Variants in PLXDC2 observed in about 807,000 individuals in gnomAD.
PLXDC2 encodes the protein plexin domain-containing protein 2.
In PLXDC2, 40 loss-of-function variants were observed where a neutral mutation model predicts 68.9. The ratio of observed to expected loss-of-function variants is 0.58; its 90% confidence interval spans 0.45 to 0.76. The LOEUF (loss-of-function observed/expected upper bound fraction) is 0.76. Ranked by LOEUF, PLXDC2 falls within the 30% of genes least tolerant of loss-of-function variation. The pLI, the probability that PLXDC2 is intolerant of heterozygous loss-of-function variation, is 0.00. For synonymous variants in PLXDC2, 243 were observed against 234.2 expected, an observed-to-expected ratio of 1.04 and a Z score of -0.34; for missense variants, 644 against 661.9, an observed-to-expected ratio of 0.97 and a Z score of 0.30.
chr10:20,201,603 C>T (rs943071289), intron 9 of PLXDC2, among the ~76,000 whole-genome samples: 1 of 151,770 alleles, frequency 6.6e-6, no homozygotes, highest in African/African-American at 2.4e-5. Context: ...TATATATTTT[C>T]AAATAGTTAG....
intron 1 of PLXDC2, among the ~76,000 whole-genome samples, chr10:19,892,055 A>C (rs1426457788): frequency 6.6e-6 from 1 of 152,252 alleles, no homozygotes; most frequent in Admixed American, 6.5e-5. Flanking sequence ...CAGAATATTA[A>C]TATTGACAGT....
At chr10:20,152,221 A>T (rs1049501391) in intron 6 of PLXDC2, among the ~76,000 whole-genome samples, 1 of 152,138 alleles carries the variant, frequency 6.6e-6, no homozygotes, top group Non-Finnish European at 1.5e-5. Flanking sequence ...AGTTATAACA[A>T]TCTTGCTTAT....
At chr10:20,209,588 G>T (rs564385800) in intron 9 of PLXDC2, among the ~76,000 whole-genome samples, 5 of 151,996 alleles carry the variant, frequency 3.3e-5, no homozygotes, top group Non-Finnish European at 7.4e-5. Context: ...GCTTTTGAAA[G>T]AAGAGAAATA....
chr10:19,922,629 C>T (rs879514510), intron 1 of PLXDC2, among the ~76,000 whole-genome samples: 5 of 152,114 alleles, frequency 3.3e-5, no homozygotes, highest in African/African-American at 7.2e-5. Context: ...ATTTACTTTA[C>T]GGCTTAGTTG....
chr10:20,117,397 ATGTGTTTG>A (rs1448280830), intron 4 of PLXDC2, among the ~76,000 whole-genome samples: 2 of 152,164 alleles, frequency 1.3e-5, no homozygotes, highest in Non-Finnish European at 2.9e-5. Context: ...TGATTATCTT[ATGTGTTTG>A]TGTGTGCATG....
chr10:20,245,327 G>C lies in PLXDC2; in HGVS notation c.1313-18G>C, dbSNP rs774005859. ...GGGTAAACTCATGAAGGTCCTGACAGCTGGGATGTTCTTTCAGCTTCTACA... is the reference window on the plus strand; with the variant it reads ...GGGTAAACTCATGAAGGTCCTGACACCTGGGATGTTCTTTCAGCTTCTACA... On this transcript the variant is annotated intron_variant, in intron 12 of 13. Coordinates refer to ENST00000377252, the MANE Select transcript of PLXDC2 (RefSeq NM_032812.9). The C allele has an allele frequency of 1.9e-6, 3 of 1,602,216 alleles. No homozygotes were observed. The highest frequency in any genetic ancestry group is 1.7e-4 in the Middle Eastern group (1 of 6,006).
rs116792260 is a variant in PLXDC2, at chr10:20,251,550, C to T, written c.1473+6045C>T. 1.8e-3 allele frequency among the ~76,000 whole-genome samples: 269 copies of T among 152,110 alleles called. 1 individual carries two copies. Among genetic ancestry groups the T allele is most frequent in the African/African-American group, 6.1e-3 (255 of 41,520 alleles). The stretch of plus-strand genomic sequence containing the variant: ...GTAATATATTTTATTGTTTCATGAA[C>T]ATAGGTCACGGAGATAAATGTTTAC... On this transcript the variant is annotated intron_variant, in intron 13 of 13. Coordinates refer to ENST00000377252, the MANE Select transcript of PLXDC2 (RefSeq NM_032812.9).
intron 1 of PLXDC2, among the ~76,000 whole-genome samples, chr10:19,993,016 C>A (rs979659359): frequency 6.6e-6 from 1 of 152,132 alleles, no homozygotes; most frequent in Admixed American, 6.5e-5. Context: ...GCTGCCTCCC[C>A]GAACCATCAC....
At chr10:20,103,109 G>C (rs1480408975) in intron 4 of PLXDC2, among the ~76,000 whole-genome samples, 3 of 152,144 alleles carry the variant, frequency 2.0e-5, no homozygotes, top group Admixed American at 6.6e-5. Context: ...CAGAAATCTC[G>C]CCATCAGGGT....
chr10:20,258,146 C>A, intron 13 of PLXDC2, among the ~76,000 whole-genome samples: 1 of 151,646 alleles, frequency 6.6e-6, no homozygotes, highest in Non-Finnish European at 1.5e-5. Flanking sequence ...GGAATACAGG[C>A]CTCTGCCACC....
chr10:20,039,943 G>C (rs189943241), intron 2 of PLXDC2, among the ~76,000 whole-genome samples: 1 of 152,146 alleles, frequency 6.6e-6, no homozygotes, highest in African/African-American at 2.4e-5. Flanking sequence ...TATAGCGTAA[G>C]TGCTGAGAAA....
intron 4 of PLXDC2, among the ~76,000 whole-genome samples, chr10:20,088,312 C>T (rs1199954752): frequency 6.6e-6 from 1 of 152,022 alleles, no homozygotes; most frequent in Non-Finnish European, 1.5e-5. Context: ...GTGAAGATCC[C>T]CAAGGCAAAT....
At chr10:20,163,641 C>T (rs1261563070) in intron 6 of PLXDC2, among the ~76,000 whole-genome samples, 3 of 152,142 alleles carry the variant, frequency 2.0e-5, no homozygotes, top group African/African-American at 7.2e-5. Context: ...AAGATGGTTT[C>T]ATTCCCATTT....
At chr10:20,225,769 A>G (rs1835277848) in intron 12 of PLXDC2, among the ~76,000 whole-genome samples, 1 of 152,184 alleles carries the variant, frequency 6.6e-6, no homozygotes, top group Non-Finnish European at 1.5e-5. Flanking sequence ...ACTATTCTCC[A>G]TAACAATTAA....
In PLXDC2 at chr10:19,911,784, A is replaced by C. The variant is rs2131374523; in HGVS notation, c.113-89991A>C. Among the ~76,000 whole-genome samples, 3 of 152,334 alleles carry C rather than the reference A, an allele frequency of 2.0e-5. No individual in the cohort carries two copies. The South Asian group carries it at 6.2e-4, about 32-fold the overall frequency. On this transcript the variant is annotated intron_variant, in intron 1 of 13. Coordinates refer to ENST00000377252, the MANE Select transcript of PLXDC2 (RefSeq NM_032812.9). The stretch of plus-strand genomic sequence containing the variant: ...AGTCTTTTCTATTTTTAGTTCATTA[A>C]AAAAGAAAATTATTTTATCAATGAA...
chr10:19,932,312 T>C (rs1381128948), intron 1 of PLXDC2, among the ~76,000 whole-genome samples: 1 of 152,194 alleles, frequency 6.6e-6, no homozygotes, highest in South Asian at 2.1e-4. Flanking sequence ...TCCACTTTCT[T>C]TTCTCTTGGC....
chr10:20,035,571 C>G (rs560206402), intron 2 of PLXDC2, among the ~76,000 whole-genome samples: 77 of 152,104 alleles, frequency 5.1e-4, no homozygotes, highest in African/African-American at 1.7e-3. Context: ...TGGTGCGTGC[C>G]TGTAATCCCA....
chr10:19,902,411 GTATTTTATTT>G (rs1331977774), intron 1 of PLXDC2, among the ~76,000 whole-genome samples: 2 of 151,992 alleles, frequency 1.3e-5, no homozygotes, highest in Admixed American at 6.6e-5. Context: ...ACATTCCTAA[GTATTTTATTT>G]TATTTTATTT....
chr10:20,057,930 A>G (rs1350282037), intron 3 of PLXDC2, among the ~76,000 whole-genome samples: 3 of 152,238 alleles, frequency 2.0e-5, no homozygotes, highest in African/African-American at 7.2e-5. Flanking sequence ...ATTAAAAAAA[A>G]AAGATGTGGG....
Sources: allele counts gnomAD v4.1 joint callset (sites outside exome capture counted in the v4.1 genomes callset), GRCh38; gene constraint gnomAD v4.1.1; transcripts MANE v1.5; gene names NCBI Gene and HGNC (gene_info 2026-07-23, HGNC 2026-07-21).